Variants in SECISBP2 observed in about 807,000 individuals in gnomAD.
SECISBP2 encodes selenocysteine insertion sequence-binding protein 2.
SECISBP2 carries 96 observed loss-of-function variants against 98.2 expected under a neutral mutation model. That is an observed-to-expected ratio of 0.98 (90% CI 0.83 to 1.16). SECISBP2 has a LOEUF of 1.16. Ranked by LOEUF, SECISBP2 falls within the 50% of genes most tolerant of loss-of-function variation. The pLI, the probability that SECISBP2 is intolerant of heterozygous loss-of-function variation, is 0.00. For synonymous variants in SECISBP2, 407 were observed against 370.2 expected (o/e 1.10, Z -1.14); for missense variants, 1,046 against 1,022.9 (o/e 1.02, Z -0.31).
chr9:89,350,914 G>C (rs1439371866), intron 14 of SECISBP2, 62 bp downstream of exon 14: 5 of 1,393,268 alleles, frequency 3.6e-6, no homozygotes, highest in South Asian at 3.5e-5. Context: ...GTGTGCCCTC[G>C]TGTTTGCCAC....
chr9:89,366,170 ATATC>A, the SECISBP2 span, among the ~76,000 whole-genome samples: 17 of 152,252 alleles, frequency 1.1e-4, no homozygotes, highest in South Asian at 1.4e-3. Context: ...AAGTGAAACA[ATATC>A]TAGGAATGTG....
chr9:89,363,983 C>T (rs770005777), downstream of SECISBP2: 36 of 1,613,792 alleles, frequency 2.2e-5, no homozygotes, highest in Non-Finnish European at 2.9e-5. Flanking sequence ...CCTCTGAGTC[C>T]ACATTTAGGA....
intron 2 of SECISBP2, among the ~76,000 whole-genome samples, chr9:89,320,240 C>T (rs751810021): frequency 4.0e-5 from 6 of 151,174 alleles, no homozygotes; most frequent in Non-Finnish European, 7.4e-5. Flanking sequence ...CCTGTAATCC[C>T]AGGTATTCGG....
intron 10 of SECISBP2, among the ~76,000 whole-genome samples, chr9:89,342,571 A>G (rs188981063): frequency 2.6e-5 from 4 of 152,356 alleles, no homozygotes; most frequent in Admixed American, 2.6e-4. Flanking sequence ...ATACCTACAC[A>G]ATGTAATATG....
chr9:89,328,901 TC>T lies in SECISBP2; in HGVS notation c.801+16del. ...TGTTATCAAAGGTGAGGTGAGGGTT[TC>T]TCTCTTTTTCTTTTTCCTTTGTACA... On this transcript the variant is annotated intron_variant, in intron 5 of 16. Coordinates refer to ENST00000375807, the MANE Select transcript of SECISBP2 (RefSeq NM_024077.5). 1 of 1,583,486 alleles carries T rather than the reference TC, an allele frequency of 6.3e-7. No homozygotes were observed. The highest frequency in any genetic ancestry group is 8.7e-7 in the Non-Finnish European group (1 of 1,153,502).
At chr9:89,345,577 G>GT (rs1830303489) in intron 10 of SECISBP2, among the ~76,000 whole-genome samples, 1 of 152,306 alleles carries the variant, frequency 6.6e-6, no homozygotes, top group Admixed American at 6.5e-5. Flanking sequence ...CTTCGTGGTT[G>GT]TTTTTGTGGG....
At chr9:89,319,020 C>A in intron 1 of SECISBP2, 1 of 1,032,968 alleles carries the variant, frequency 9.7e-7, no homozygotes, top group Non-Finnish European at 1.2e-6. Flanking sequence ...AGATGGAGCC[C>A]TGGCGATCGC....
intron 14 of SECISBP2, among the ~76,000 whole-genome samples, chr9:89,354,211 T>C (rs563837894): frequency 2.6e-5 from 4 of 152,350 alleles, no homozygotes; most frequent in Admixed American, 6.5e-5. Flanking sequence ...AGTCTGGATT[T>C]TGCTGCTTGT....
At chr9:89,360,509 A>G (rs958489029), downstream of SECISBP2, among the ~76,000 whole-genome samples, 2 of 152,196 alleles carry the variant, frequency 1.3e-5, no homozygotes, top group Non-Finnish European at 2.9e-5. Context: ...AGAGCTCTCT[A>G]GTTCTGTGAT....
In SECISBP2 at chr9:89,325,591, C is replaced by A; in HGVS notation, c.347C>A (p.Pro116His). Residue 116 changes from proline to histidine, a missense_variant, in exon 3 of 17, where the codon CCC becomes CAC. Transcript: ENST00000375807. ...VPGSQYLYNQ[P>H]SCYRGFQTVK... is the part of the protein sequence containing the mutation. ...GGCTCCCAGTATCTTTATAACCAACCCAGTTGTTACCGAGGTTTTCAAACA... is the reference window on the plus strand; with the variant it reads ...GGCTCCCAGTATCTTTATAACCAACACAGTTGTTACCGAGGTTTTCAAACA... 6.2e-7 allele frequency: 1 copy of A among 1,614,074 alleles called. No individual in the cohort carries two copies.
At chr9:89,319,532 T>G in intron 1 of SECISBP2, 120 bp from the exon 2 acceptor site, 1 of 1,192,226 alleles carries the variant, frequency 8.4e-7, no homozygotes, top group Non-Finnish European at 1.2e-6. Flanking sequence ...GAGGCAGAAG[T>G]TTTTAAACAA....
At chr9:89,363,906 G>A (rs770199417), downstream of SECISBP2, 1 of 1,614,124 alleles carries the variant, frequency 6.2e-7, no homozygotes, top group South Asian at 1.1e-5. Context: ...CAGGTCTCCA[G>A]AGCTCGCCCA....
chr9:89,366,153 GA>G, the SECISBP2 span, among the ~76,000 whole-genome samples: 1 of 152,190 alleles, frequency 6.6e-6, no homozygotes, highest in Non-Finnish European at 1.5e-5. Context: ...CAGCAACACA[GA>G]AAAATAAGTG....
intron 14 of SECISBP2, chr9:89,357,170 A>G (rs1832218012): frequency 1.8e-6 from 1 of 554,884 alleles, no homozygotes; most frequent in African/African-American, 1.9e-5. Flanking sequence ...AGTTTCAGTA[A>G]TACTAATAGT....
intron 10 of SECISBP2, 92 bp from the exon 11 acceptor site, chr9:89,346,790 A>G: frequency 1.3e-6 from 2 of 1,490,994 alleles, no homozygotes; most frequent in Non-Finnish European, 1.9e-6. Flanking sequence ...TCCTTCAGAT[A>G]CCCTGAGGCA....
In SECISBP2 at chr9:89,346,919, AG is replaced by A; in HGVS notation, c.1477del (p.Glu493ArgfsTer6). The A allele has an allele frequency of 1.2e-6, 2 of 1,614,056 alleles. No individual in the cohort carries two copies. Among genetic ancestry groups the A allele is most frequent in the Non-Finnish European group, 1.7e-6 (2 of 1,179,948 alleles). ...CAGTCCTTTCCAAAGAATGTGCATC[AG>A]GGGAGAGAGGCCGCCGCATGAGTCA... is the stretch of plus-strand genomic sequence containing the variant. ...VPVLSKECASGERGRRMSQMK... is the reference protein window; with the variant it reads ...VPVLSKECASXERGRRMSQMK... On this transcript the variant is annotated frameshift_variant, in exon 11 of 17. Transcript: ENST00000375807. LOFTEE classifies it high-confidence loss of function.
Position 89,357,467 on chromosome 9 carries a change from C to A in SECISBP2, c.2170C>A (p.Pro724Thr), listed in dbSNP as rs748743356. 3 of 1,614,160 alleles carry A rather than the reference C, an allele frequency of 1.9e-6. No individual in the cohort carries two copies. The highest frequency in any genetic ancestry group is 2.5e-6 in the Non-Finnish European group (3 of 1,180,022). The change falls in exon 15 of 17, where the codon CCC (proline) becomes ACC (threonine). Residue 724 changes from proline (P) to threonine (T), a missense_variant. By Grantham distance (38) the Pro-to-Thr change is conservative (BLOSUM62 -1). Coordinates refer to ENST00000375807, the MANE Select transcript of SECISBP2 (RefSeq NM_024077.5). Reference sequence around the variant, plus strand: ...TGATTATGCCTGTGAGCAGAACATTCCCTTTGTGTTTGCTCTCAACCGCAA... The same window carrying A: ...TGATTATGCCTGTGAGCAGAACATTACCTTTGTGTTTGCTCTCAACCGCAA... ...IIDYACEQNI[P>T]FVFALNRKAL... is the part of the protein sequence containing the mutation.
chr9:89,332,990 A>G lies in SECISBP2; in HGVS notation c.880+4A>G, dbSNP rs1564360245. On this transcript the variant is annotated splice_donor_region_variant and intron_variant, in intron 6 of 16. Coordinates refer to ENST00000375807, the MANE Select transcript of SECISBP2 (RefSeq NM_024077.5). ...AATTCTCCTTCATGTACAAGAGGTA[A>G]AAGTGGCTGCAAAAATGTTAATTTT... The G allele has an allele frequency of 6.2e-7, 1 of 1,611,706 alleles. No homozygotes were observed. Among genetic ancestry groups the G allele is most frequent in the African/African-American group, 1.3e-5 (1 of 74,708 alleles).
At chr9:89,322,214 G>A (rs1825930801) in intron 2 of SECISBP2, 1 of 152,234 alleles carries the variant, frequency 6.6e-6, no homozygotes, top group Non-Finnish European at 1.5e-5. Context: ...TATAGGACAA[G>A]ACAAAGAAAT....
Sources: gnomAD v4.1 joint callset for allele counts (sites outside exome capture counted in the v4.1 genomes callset) on GRCh38, gnomAD v4.1.1 for gene constraint, MANE v1.5 for transcripts, NCBI Gene and HGNC (gene_info 2026-07-23, HGNC 2026-07-21) for gene names.